FBXW7: variants seen among roughly 807,000 people sequenced by gnomAD.
The protein encoded by FBXW7 is F-box and WD repeat domain containing 7.
A neutral mutation model predicts 86.3 loss-of-function variants in FBXW7; 11 were observed. The observed-to-expected ratio is 0.13, with a 90% confidence interval of 0.08 to 0.21. The LOEUF is 0.21. FBXW7 is among the 10% of genes least tolerant of loss of function. FBXW7 has a pLI of 1.00. For missense variants in FBXW7, 488 were observed against 847.4 expected (o/e 0.58, Z 5.27); for synonymous variants, 313 against 297.9 (o/e 1.05, Z -0.52).
chr4:152,500,922 GATTAAT>G (rs1161939636), intron 2 of FBXW7, among the ~76,000 whole-genome samples: 1 of 152,130 alleles, frequency 6.6e-6, no homozygotes, highest in Non-Finnish European at 1.5e-5. Context: ...CCATGCATTT[GATTAAT>G]ATTAATTATC....
At chr4:152,500,752 T>C (rs908124842) in intron 2 of FBXW7, among the ~76,000 whole-genome samples, 1 of 152,138 alleles carries the variant, frequency 6.6e-6, no homozygotes, top group Non-Finnish European at 1.5e-5. Flanking sequence ...GTACTATGTG[T>C]CCGCAATTCC....
intron 2 of FBXW7, among the ~76,000 whole-genome samples, chr4:152,500,496 CAAAA>C (rs34375454): frequency 1.4e-4 from 10 of 73,084 alleles, no homozygotes; most frequent in South Asian, 5.8e-4. Flanking sequence ...GCTTTGTCAG[CAAAA>C]AAAAAAAAAA....
chr4:152,472,234 G>A (rs891261567), intron 2 of FBXW7, among the ~76,000 whole-genome samples: 1 of 152,146 alleles, frequency 6.6e-6, no homozygotes, highest in African/African-American at 2.4e-5. Flanking sequence ...ATGGGAAACT[G>A]TTCGGAAGTG....
chr4:152,527,911 C>T (rs906114697), intron 2 of FBXW7, among the ~76,000 whole-genome samples: 5 of 138,034 alleles, frequency 3.6e-5, no homozygotes, highest in Non-Finnish European at 8.0e-5. Context: ...CATATATATA[C>T]ACACACACAT....
intron 2 of FBXW7, among the ~76,000 whole-genome samples, chr4:152,523,870 G>C (rs1255076799): frequency 1.3e-5 from 2 of 152,118 alleles, no homozygotes; most frequent in African/African-American, 4.8e-5. Flanking sequence ...AAGAGAGCAG[G>C]ATTTTTGTTT....
chr4:152,394,160 T>C (rs1428183922), intron 4 of FBXW7, among the ~76,000 whole-genome samples: 3 of 152,122 alleles, frequency 2.0e-5, no homozygotes, highest in Non-Finnish European at 4.4e-5. Flanking sequence ...GATTGCTTCA[T>C]TTGTTTATAA....
At chr4:152,438,953 T>C (rs573752752) in intron 2 of FBXW7, among the ~76,000 whole-genome samples, 6 of 152,352 alleles carry the variant, frequency 3.9e-5, no homozygotes, top group South Asian at 2.1e-4. Flanking sequence ...AGTTCATTCA[T>C]TCATCATTTG....
intron 8 of FBXW7, 68 bp from the exon 9 acceptor site, chr4:152,330,936 T>A (rs34611648): frequency 4.8e-6 from 7 of 1,461,454 alleles, no homozygotes; most frequent in Non-Finnish European, 9.3e-7. Flanking sequence ...TTATAAAGTA[T>A]TCCATCTTTA....
intron 2 of FBXW7, among the ~76,000 whole-genome samples, chr4:152,485,622 T>G (rs558674704): frequency 9.5e-4 from 144 of 152,304 alleles, no homozygotes; most frequent in African/African-American, 3.3e-3. Flanking sequence ...AAAGAACCAA[T>G]AGAAGCAATG....
intron 2 of FBXW7, among the ~76,000 whole-genome samples, chr4:152,483,281 A>G (rs924642700): frequency 6.6e-6 from 1 of 151,866 alleles, no homozygotes; most frequent in Non-Finnish European, 1.5e-5. Flanking sequence ...ACTTTGCTAT[A>G]TGTTACAAAT....
At chr4:152,333,006 C>T (rs889895699) in intron 7 of FBXW7, among the ~76,000 whole-genome samples, 4 of 151,958 alleles carry the variant, frequency 2.6e-5, no homozygotes, top group Admixed American at 2.6e-4. Context: ...CTGTGAGCCT[C>T]AACTCAATTT....
chr4:152,377,957 G>A (rs550821125), intron 4 of FBXW7, among the ~76,000 whole-genome samples: 1 of 152,244 alleles, frequency 6.6e-6, no homozygotes, highest in Admixed American at 6.5e-5. Context: ...CTACAGTACT[G>A]TTGTAACAGT....
chr4:152,434,099 G>T (rs1437106505), intron 2 of FBXW7, among the ~76,000 whole-genome samples: 1 of 152,116 alleles, frequency 6.6e-6, no homozygotes, highest in Non-Finnish European at 1.5e-5. Flanking sequence ...TTGCATATAT[G>T]TTGGTTCTGC....
chr4:152,493,197 C>T (rs1429862208), intron 2 of FBXW7, among the ~76,000 whole-genome samples: 1 of 151,864 alleles, frequency 6.6e-6, no homozygotes, highest in Non-Finnish European at 1.5e-5. Context: ...CAGACTCTCG[C>T]TTTGTTGCCC....
intron 2 of FBXW7, chr4:152,489,407 C>T (rs1359242033): frequency 6.5e-6 from 1 of 152,694 alleles, no homozygotes; most frequent in Non-Finnish European, 1.5e-5. Flanking sequence ...AATTCAGGTA[C>T]CTCAAGAGGA....
intron 2 of FBXW7, among the ~76,000 whole-genome samples, chr4:152,440,729 AC>A (rs917125255): frequency 8.5e-5 from 13 of 152,270 alleles, no homozygotes; most frequent in Admixed American, 5.9e-4. Context: ...CTTGCACAGA[AC>A]AAGTACACCC....
At chr4:152,386,039 G>A (rs1735500390) in intron 4 of FBXW7, among the ~76,000 whole-genome samples, 1 of 151,880 alleles carries the variant, frequency 6.6e-6, no homozygotes, top group Non-Finnish European at 1.5e-5. Context: ...ATAAATGAGG[G>A]AAATCATAGA....
intron 2 of FBXW7, among the ~76,000 whole-genome samples, chr4:152,474,961 G>A (rs1422116396): frequency 6.6e-6 from 1 of 152,076 alleles, no homozygotes; most frequent in Non-Finnish European, 1.5e-5. Flanking sequence ...ACCACGCCCG[G>A]CATGGTAGCA....
At chr4:152,363,812 A>G (rs1215005472) in intron 4 of FBXW7, among the ~76,000 whole-genome samples, 1 of 152,148 alleles carries the variant, frequency 6.6e-6, no homozygotes, top group Non-Finnish European at 1.5e-5. Context: ...ACAGATGAGG[A>G]AAGAGGCACA....
Sources: allele counts gnomAD v4.1 joint callset (sites outside exome capture counted in the v4.1 genomes callset), GRCh38; gene constraint gnomAD v4.1.1; transcripts MANE v1.5; gene names NCBI Gene and HGNC (gene_info 2026-07-23, HGNC 2026-07-21).